The following ZNF423 variants were observed in gnomAD, a reference collection of about 807,000 sequenced individuals.
ZNF423 encodes Ebf-associated zinc finger protein.
ZNF423 carries 12 observed loss-of-function variants against 95.8 expected under a neutral mutation model. The observed-to-expected ratio is 0.13, with a 90% CI of 0.08 to 0.20. The LOEUF is 0.20. Ranked by LOEUF, ZNF423 falls within the 10% of genes least tolerant of loss-of-function variation. The pLI is 1.00. For missense variants in ZNF423, 1,316 were observed against 1,737.1 expected (o/e 0.76, Z 4.31); for synonymous variants, 749 against 711.9 (o/e 1.05, Z -0.83).
At chr16:49,808,193 C>T (rs929879820) in intron 1 of ZNF423, among the ~76,000 whole-genome samples, 8 of 152,088 alleles carry the variant, frequency 5.3e-5, no homozygotes, top group African/African-American at 1.9e-4. Context: ...TCCTGAGTAG[C>T]TGGGACTACA....
At chr16:49,787,419 C>A (rs1597008429) in intron 2 of ZNF423, among the ~76,000 whole-genome samples, 1 of 152,298 alleles carries the variant, frequency 6.6e-6, no homozygotes, top group East Asian at 1.9e-4. Flanking sequence ...CATAGCTGAG[C>A]AGAGAATCCG....
intron 5 of ZNF423, among the ~76,000 whole-genome samples, chr16:49,604,044 G>A (rs1162559135): frequency 1.3e-5 from 2 of 152,194 alleles, no homozygotes; most frequent in African/African-American, 2.4e-5. Flanking sequence ...GTTCTCGTAC[G>A]ATACCGGTGT....
intron 3 of ZNF423, among the ~76,000 whole-genome samples, chr16:49,692,252 A>C (rs915097537): frequency 1.3e-5 from 2 of 151,782 alleles, no homozygotes; most frequent in Admixed American, 6.6e-5. Flanking sequence ...ACCACACCTG[A>C]CCTGCCCCAT....
intron 1 of ZNF423, among the ~76,000 whole-genome samples, chr16:49,811,782 C>G (rs745950973): frequency 2.0e-5 from 3 of 149,348 alleles, no homozygotes; most frequent in African/African-American, 4.9e-5. Flanking sequence ...GCCCTGTCAG[C>G]TGCCCAGGCC....
intron 5 of ZNF423, among the ~76,000 whole-genome samples, chr16:49,591,556 GAAGCC>G (rs1181525593): frequency 6.6e-6 from 1 of 152,108 alleles, no homozygotes; most frequent in Non-Finnish European, 1.5e-5. Context: ...AACTCCACTG[GAAGCC>G]AAGCCAAGTG....
intron 3 of ZNF423, among the ~76,000 whole-genome samples, chr16:49,644,164 C>T (rs904831681): frequency 6.6e-6 from 1 of 152,116 alleles, no homozygotes; most frequent in African/African-American, 2.4e-5. Flanking sequence ...CAGGAGTGGG[C>T]CGAAAGGGAA....
At chr16:49,610,291 C>G (rs1360208617) in intron 5 of ZNF423, among the ~76,000 whole-genome samples, 1 of 152,170 alleles carries the variant, frequency 6.6e-6, no homozygotes, top group African/African-American at 2.4e-5. Context: ...TTCCCCTTCT[C>G]TTCTTGAGTT....
intron 1 of ZNF423, among the ~76,000 whole-genome samples, chr16:49,849,270 G>A (rs770479492): frequency 6.6e-6 from 1 of 152,018 alleles, no homozygotes; most frequent in Non-Finnish European, 1.5e-5. Context: ...GAACTCAATG[G>A]CTCCAGCCTC....
intron 3 of ZNF423, among the ~76,000 whole-genome samples, chr16:49,646,297 A>T (rs886865338): frequency 6.6e-6 from 1 of 152,172 alleles, no homozygotes; most frequent in Non-Finnish European, 1.5e-5. Flanking sequence ...GAAATGATCC[A>T]AATTGAGCTC....
intron 5 of ZNF423, among the ~76,000 whole-genome samples, chr16:49,594,014 G>A (rs960753336): frequency 7.9e-5 from 12 of 152,140 alleles, no homozygotes; most frequent in African/African-American, 2.9e-4. Flanking sequence ...GATTACTGGG[G>A]ATGGACCAAG....
chr16:49,582,144 T>A (rs1208318836), intron 5 of ZNF423, among the ~76,000 whole-genome samples: 1 of 152,218 alleles, frequency 6.6e-6, no homozygotes, highest in Non-Finnish European at 1.5e-5. Flanking sequence ...AACTGTCCCA[T>A]TCTCCAACTG....
At chr16:49,602,243 T>C (rs1971398007) in intron 5 of ZNF423, among the ~76,000 whole-genome samples, 1 of 152,244 alleles carries the variant, frequency 6.6e-6, no homozygotes, top group Non-Finnish European at 1.5e-5. Context: ...CACTCCCTGA[T>C]GGCTGTTCTG....
chr16:49,646,909 C>A (rs1973196119), intron 3 of ZNF423, among the ~76,000 whole-genome samples: 1 of 152,164 alleles, frequency 6.6e-6, no homozygotes, highest in Admixed American at 6.5e-5. Flanking sequence ...CCTTTGCCAG[C>A]TTTTTCTCAA....
At chr16:49,683,874 C>G (rs2031464282) in intron 3 of ZNF423, among the ~76,000 whole-genome samples, 1 of 152,164 alleles carries the variant, frequency 6.6e-6, no homozygotes, top group Non-Finnish European at 1.5e-5. Flanking sequence ...GCCCAGGAAC[C>G]AGCCTGGGCA....
Position 49,730,807 on chromosome 16 carries a change from C to A in ZNF423, c.265G>T (p.Asp89Tyr). 6.2e-7 allele frequency: 1 copy of A among 1,614,212 alleles called. No individual in the cohort carries two copies. The highest frequency in any genetic ancestry group is 8.5e-7 in the Non-Finnish European group (1 of 1,180,046). The part of the protein sequence containing the change: ...HCQQDFESLA[D>Y]LTDHRAHRCP... The stretch of plus-strand genomic sequence containing the variant: ...CGGTGGGCCCGGTGGTCCGTCAGGT[C>A]TGCCAGAGACTCGAAGTCCTGCTGA... Residue 89 changes from aspartate (D) to tyrosine (Y), a missense_variant, in exon 3 of 8, where the codon GAC becomes TAC. By Grantham distance (160) the Asp-to-Tyr change is radical. This residue lies in a region of ZNF423 where 155 missense variants were observed against 170.8 expected (regional missense o/e 0.91). Coordinates refer to ENST00000563137, the MANE Select transcript of ZNF423 (RefSeq NM_001379286.1).
intron 3 of ZNF423, among the ~76,000 whole-genome samples, chr16:49,705,489 G>C (rs2032319642): frequency 6.6e-6 from 1 of 152,274 alleles, no homozygotes; most frequent in South Asian, 2.1e-4. Context: ...GTTATAACTG[G>C]ATTTTCTTCT....
chr16:49,821,624 A>T (rs920977510), intron 1 of ZNF423, among the ~76,000 whole-genome samples: 1 of 152,062 alleles, frequency 6.6e-6, no homozygotes, highest in Non-Finnish European at 1.5e-5. Context: ...TCTTTAAACC[A>T]CAGGTTGTAA....
intron 1 of ZNF423, among the ~76,000 whole-genome samples, chr16:49,791,989 C>T (rs1321920419): frequency 1.6e-5 from 2 of 128,498 alleles, no homozygotes; most frequent in African/African-American, 6.2e-5. Flanking sequence ...CACAACAGAA[C>T]GAGACTCCAT....
chr16:49,598,867 GA>G (rs1312546063), intron 5 of ZNF423, among the ~76,000 whole-genome samples: 3 of 152,248 alleles, frequency 2.0e-5, no homozygotes, highest in African/African-American at 7.2e-5. Context: ...TAAAGGGTCT[GA>G]AAGTATTAGG....
Sources: gnomAD v4.1 joint callset for allele counts (sites outside exome capture counted in the v4.1 genomes callset) on GRCh38, gnomAD v4.1.1 for gene constraint, gnomAD v4.1.1 regional missense constraint, MANE v1.5 for transcripts, NCBI Gene and HGNC (gene_info 2026-07-23, HGNC 2026-07-21) for gene names.